Variants in TOP6BL observed in about 807,000 individuals in gnomAD.
The protein encoded by TOP6BL is TOP6B like initiator of meiotic double strand breaks.
At chr11:66,756,631 T>C in the TOP6BL span, 1 of 716,180 alleles carries the variant, frequency 1.4e-6, no homozygotes, top group Non-Finnish European at 1.7e-6. Flanking sequence ...TAGAGACTTA[T>C]CTGTAAAATA....
the TOP6BL span, among the ~76,000 whole-genome samples, chr11:66,757,696 C>T: frequency 6.6e-6 from 1 of 152,184 alleles, no homozygotes; most frequent in Admixed American, 6.5e-5. Flanking sequence ...AGGTGATTCT[C>T]CTGCCTCAGT....
chr11:66,834,488 T>G, the TOP6BL span, among the ~76,000 whole-genome samples: 1 of 152,180 alleles, frequency 6.6e-6, no homozygotes, highest in African/African-American at 2.4e-5. Context: ...GTCAAATTCT[T>G]TGACCTCTGG....
At chr11:66,822,227 G>C in the TOP6BL span, among the ~76,000 whole-genome samples, 1 of 150,962 alleles carries the variant, frequency 6.6e-6, no homozygotes, top group African/African-American at 2.4e-5. Flanking sequence ...CCCCTTTTCA[G>C]GGAAAAAACA....
chr11:66,837,060 T>C, the TOP6BL span, among the ~76,000 whole-genome samples: 7 of 152,302 alleles, frequency 4.6e-5, no homozygotes, highest in East Asian at 9.6e-4. Context: ...AGGTATGATT[T>C]GTAAATGTCT....
chr11:66,773,055 T>C, the TOP6BL span, among the ~76,000 whole-genome samples: 4 of 152,212 alleles, frequency 2.6e-5, no homozygotes, highest in Non-Finnish European at 4.4e-5. Flanking sequence ...ATTCAATTTC[T>C]TTAATAATTA....
At chr11:66,828,412 T>C in the TOP6BL span, 17 of 1,427,398 alleles carry the variant, frequency 1.2e-5, no homozygotes, top group South Asian at 1.8e-4. Context: ...CATTTTGATA[T>C]ATGGGAATCC....
the TOP6BL span, among the ~76,000 whole-genome samples, chr11:66,791,436 T>TACAA: frequency 2.0e-5 from 3 of 152,166 alleles, no homozygotes; most frequent in East Asian, 5.8e-4. Flanking sequence ...CATATATACA[T>TACAA]ACAAACATAT....
At chr11:66,813,093 C>G in the TOP6BL span, among the ~76,000 whole-genome samples, 1 of 152,148 alleles carries the variant, frequency 6.6e-6, no homozygotes, top group African/African-American at 2.4e-5. Flanking sequence ...TCTAAGTATA[C>G]TCAAATACTT....
the TOP6BL span, among the ~76,000 whole-genome samples, chr11:66,821,010 G>T: frequency 5.9e-5 from 9 of 152,158 alleles, no homozygotes; most frequent in African/African-American, 1.9e-4. Context: ...CAAAGCACAT[G>T]AACAGCAATC....
At chr11:66,788,404 G>A in the TOP6BL span, 2 of 653,264 alleles carry the variant, frequency 3.1e-6, no homozygotes, top group African/African-American at 1.8e-5. Context: ...TCCCAAACTT[G>A]CCTGTGCAGA....
the TOP6BL span, among the ~76,000 whole-genome samples, chr11:66,768,729 A>G: frequency 6.6e-6 from 1 of 150,728 alleles, no homozygotes; most frequent in Non-Finnish European, 1.5e-5. Flanking sequence ...CATTTATCTA[A>G]TTGCACTTCA....
chr11:66,800,984 G>A, the TOP6BL span: 1 of 1,593,232 alleles, frequency 6.3e-7, no homozygotes, highest in African/African-American at 1.3e-5. Flanking sequence ...AACAGAGATT[G>A]ATTTTAGAAT....
chr11:66,755,825 TCA>T, the TOP6BL span, among the ~76,000 whole-genome samples: 2 of 152,208 alleles, frequency 1.3e-5, no homozygotes, highest in African/African-American at 4.8e-5. Context: ...TGTAGGTGTA[TCA>T]CTCCCTGCCT....
the TOP6BL span, among the ~76,000 whole-genome samples, chr11:66,752,566 C>T: frequency 6.6e-6 from 1 of 152,062 alleles, no homozygotes; most frequent in Non-Finnish European, 1.5e-5. Context: ...ATTCTCCTGC[C>T]TCAGCCTCCT....
the TOP6BL span, chr11:66,821,796 A>G: frequency 3.7e-6 from 6 of 1,607,306 alleles, no homozygotes; most frequent in African/African-American, 4.0e-5. Flanking sequence ...CTTTTCTCCT[A>G]TTCTCTAAGA....
the TOP6BL span, among the ~76,000 whole-genome samples, chr11:66,834,124 G>A: frequency 1.3e-5 from 2 of 152,160 alleles, no homozygotes; most frequent in East Asian, 3.8e-4. Flanking sequence ...AATCTGTGCC[G>A]AGATTTTCAC....
At chr11:66,745,837 G>A in the TOP6BL span, among the ~76,000 whole-genome samples, 1 of 152,154 alleles carries the variant, frequency 6.6e-6, no homozygotes, top group Admixed American at 6.5e-5. Flanking sequence ...TTGAGACGGA[G>A]TCTCGCTCTT....
At chr11:66,803,998 A>G in the TOP6BL span, 2 of 1,598,300 alleles carry the variant, frequency 1.3e-6, no homozygotes, top group Non-Finnish European at 1.7e-6. Flanking sequence ...CTGACAGTAG[A>G]CCAAATTTTG....
At chr11:66,834,869 A>G in the TOP6BL span, among the ~76,000 whole-genome samples, 2 of 152,132 alleles carry the variant, frequency 1.3e-5, no homozygotes, top group Non-Finnish European at 2.9e-5. Flanking sequence ...TTTAAGCCTG[A>G]ATGTTTGAAC....
Sources: gnomAD v4.1 joint callset for allele counts (sites outside exome capture counted in the v4.1 genomes callset) on GRCh38, gnomAD v4.1.1 for gene constraint, MANE v1.5 for transcripts, NCBI Gene and HGNC (gene_info 2026-07-23, HGNC 2026-07-21) for gene names.